Variants in FAM174A observed in about 807,000 individuals in gnomAD.
FAM174A encodes the protein membrane protein FAM174A.
In FAM174A, 14 loss-of-function variants were observed where a neutral mutation model predicts 14.3. The observed-to-expected ratio is 0.98, with a 90% CI of 0.65 to 1.53. The LOEUF is 1.53. Ranked by LOEUF, FAM174A falls within the 40% of genes most tolerant of loss-of-function variation. The pLI is 0.00. For synonymous variants in FAM174A, 108 were observed against 111.4 expected (o/e 0.97, Z 0.19); for missense variants, 241 against 249.6 (o/e 0.97, Z 0.23).
At chr5:100,542,201 A>T (rs1402863225) in intron 1 of FAM174A, among the ~76,000 whole-genome samples, 1 of 152,210 alleles carries the variant, frequency 6.6e-6, no homozygotes, top group East Asian at 1.9e-4. Context: ...GGCCACCTCT[A>T]AGCTGTTAAT....
At chr5:100,556,996 A>C (rs1746402734) in intron 1 of FAM174A, among the ~76,000 whole-genome samples, 1 of 152,180 alleles carries the variant, frequency 6.6e-6, no homozygotes. Flanking sequence ...AGGAGTGGTG[A>C]GAGAGGGCAT....
At position 100,535,646 on chromosome 5, in the gene FAM174A, C is replaced by G. The variant is rs777459112; in HGVS notation, c.116C>G (p.Ala39Gly). Residue 39 changes from alanine (A) to glycine (G), a missense_variant, in exon 1 of 3, where the codon GCC (alanine) becomes GGC (glycine). Coordinates refer to ENST00000312637, the MANE Select transcript of FAM174A (RefSeq NM_198507.3). ...GCAGTCCTGCTGCAGGCAGCCGAGG[C>G]CGCGCCAGGTCTTGGGCCTCCTGAC... is the stretch of plus-strand genomic sequence containing the variant. ...PLAVLLQAAE[A>G]APGLGPPDPR... is the part of the protein sequence containing the mutation. 23 of 1,612,818 alleles carry G rather than the reference C, an allele frequency of 1.4e-5. No homozygotes were observed. The South Asian group carries it at 2.5e-4, about 18-fold the overall frequency.
chr5:100,575,191 A>G (rs1746875705), intron 2 of FAM174A, among the ~76,000 whole-genome samples: 1 of 152,022 alleles, frequency 6.6e-6, no homozygotes, highest in Admixed American at 6.6e-5. Flanking sequence ...AAGTAGAATG[A>G]TTTGTCTGCC....
intron 2 of FAM174A, among the ~76,000 whole-genome samples, chr5:100,580,951 A>G (rs1746999067): frequency 6.6e-6 from 1 of 152,034 alleles, no homozygotes; most frequent in Non-Finnish European, 1.5e-5. Flanking sequence ...GTTTTGAGAT[A>G]GATTTTGGCT....
chr5:100,563,434 T>A (rs1226475668), intron 2 of FAM174A, among the ~76,000 whole-genome samples: 15 of 149,452 alleles, frequency 1.0e-4, no homozygotes, highest in African/African-American at 1.5e-4. Context: ...AGTAAAGGAG[T>A]CAATTCACCA....
chr5:100,536,072 G>T, intron 1 of FAM174A, 108 bp downstream of exon 1: 1 of 974,288 alleles, frequency 1.0e-6, no homozygotes, highest in African/African-American at 1.7e-5. Flanking sequence ...CAGCATCAGG[G>T]ACTCCTGCTT....
intron 2 of FAM174A, among the ~76,000 whole-genome samples, chr5:100,576,855 A>G (rs1207024134): frequency 1.3e-5 from 2 of 152,218 alleles, no homozygotes; most frequent in Non-Finnish European, 1.5e-5. Context: ...GCACAAAGGA[A>G]TTATAAAACT....
At chr5:100,551,606 C>G (rs918365386) in intron 1 of FAM174A, among the ~76,000 whole-genome samples, 1 of 152,116 alleles carries the variant, frequency 6.6e-6, no homozygotes, top group Non-Finnish European at 1.5e-5. Flanking sequence ...CCTAACAATT[C>G]TCTTGTATTC....
chr5:100,579,744 A>T (rs1298297528), intron 2 of FAM174A, among the ~76,000 whole-genome samples: 1 of 152,186 alleles, frequency 6.6e-6, no homozygotes, highest in Non-Finnish European at 1.5e-5. Context: ...TTTAAATTAT[A>T]CAAGAATTGT....
intron 1 of FAM174A, among the ~76,000 whole-genome samples, chr5:100,558,949 T>C (rs908532192): frequency 3.3e-5 from 5 of 152,204 alleles, no homozygotes; most frequent in African/African-American, 9.6e-5. Flanking sequence ...TTAAGGTTAA[T>C]ATTGTGATGT....
chr5:100,556,862 T>C (rs1580369055), intron 1 of FAM174A, among the ~76,000 whole-genome samples: 1 of 152,224 alleles, frequency 6.6e-6, no homozygotes, highest in Non-Finnish European at 1.5e-5. Flanking sequence ...TGGGGTTTTC[T>C]AGATATACAA....
intron 1 of FAM174A, among the ~76,000 whole-genome samples, chr5:100,552,058 G>A (rs567702045): frequency 9.8e-5 from 15 of 152,292 alleles, no homozygotes; most frequent in Middle Eastern, 3.4e-3. Flanking sequence ...GATTCTTGAA[G>A]AAGTGGAAGT....
chr5:100,584,858 A>G lies in FAM174A; in HGVS notation c.570-1323A>G, dbSNP rs1322668021. Among the ~76,000 whole-genome samples the G allele has an allele frequency of 2.6e-5, 4 of 152,018 alleles. 1 individual carries two copies. In the East Asian group the frequency reaches 5.8e-4, roughly 22 times the overall value. ...TGCTGCAGATCTCCATCTACAATAC[A>G]TATCAAGCAATCCAACTTCTTTTTT... is the stretch of plus-strand genomic sequence containing the variant. On this transcript the variant is annotated intron_variant, in intron 2 of 2. Coordinates refer to ENST00000312637, the MANE Select transcript of FAM174A (RefSeq NM_198507.3).
intron 1 of FAM174A, among the ~76,000 whole-genome samples, chr5:100,554,019 T>C (rs991445971): frequency 6.6e-6 from 1 of 152,138 alleles, no homozygotes; most frequent in Non-Finnish European, 1.5e-5. Flanking sequence ...CTATTTGATA[T>C]ATATGACCCG....
chr5:100,540,301 T>TTGGAA (rs1746023130), intron 1 of FAM174A, among the ~76,000 whole-genome samples: 2 of 152,206 alleles, frequency 1.3e-5, no homozygotes, highest in South Asian at 2.1e-4. Context: ...TTAGTGACTG[T>TTGGAA]CACTAATTCA....
At chr5:100,575,973 T>C (rs115457556) in intron 2 of FAM174A, among the ~76,000 whole-genome samples, 1,598 of 152,324 alleles carry the variant, frequency 0.01, 16 homozygotes, top group Non-Finnish European at 0.019. Flanking sequence ...TTAGTCCCTC[T>C]TCATTTTCCA....
intron 1 of FAM174A, among the ~76,000 whole-genome samples, chr5:100,556,170 G>A (rs1301652614): frequency 1.3e-5 from 2 of 152,130 alleles, no homozygotes; most frequent in Non-Finnish European, 1.5e-5. Flanking sequence ...TGGCTAGCCA[G>A]TTTTCCCAGC....
In FAM174A at chr5:100,578,570, GT is replaced by G. The variant is rs367885340; in HGVS notation, c.570-7605del. Among the ~76,000 whole-genome samples the G allele has an allele frequency of 3.4e-3, 513 of 152,124 alleles. 2 individuals are homozygous for G. The highest frequency in any genetic ancestry group is 0.017 in the Middle Eastern group (5 of 294). On this transcript the variant is annotated intron_variant, in intron 2 of 2. Coordinates refer to ENST00000312637, the MANE Select transcript of FAM174A (RefSeq NM_198507.3). ...ATTCAGGCTTCCCTTCTAGGCCAAG[GT>G]TTTTTGTCCTTCTGAAATATTTCCA...
At chr5:100,569,850 A>G (rs956354669) in intron 2 of FAM174A, among the ~76,000 whole-genome samples, 6 of 151,814 alleles carry the variant, frequency 4.0e-5, no homozygotes, top group Non-Finnish European at 7.4e-5. Context: ...ATATATATAT[A>G]TATCTCCACA....
Sources: allele counts gnomAD v4.1 joint callset (sites outside exome capture counted in the v4.1 genomes callset), GRCh38; gene constraint gnomAD v4.1.1; transcripts MANE v1.5; gene names NCBI Gene and HGNC (gene_info 2026-07-23, HGNC 2026-07-21).